RASA3: variants seen among roughly 807,000 people sequenced by gnomAD.
RASA3 encodes RAS p21 protein activator 3, also known as ras GTPase-activating protein 3.
In RASA3, 73 loss-of-function variants were observed where a neutral mutation model predicts 110.0. The ratio of observed to expected loss-of-function variants is 0.66; its 90% CI spans 0.55 to 0.81. RASA3 has a LOEUF of 0.81. Ranked by LOEUF, RASA3 falls within the 30% of genes least tolerant of loss-of-function variation. The pLI is 0.00. For synonymous variants in RASA3, 500 were observed against 451.4 expected, an observed-to-expected ratio of 1.11 and a Z score of -1.37; for missense variants, 976 against 1,113.2, an observed-to-expected ratio of 0.88 and a Z score of 1.75.
At chr13:114,108,610 T>C (rs941637374) in intron 1 of RASA3, 2 of 152,172 alleles carry the variant, frequency 1.3e-5, no homozygotes, top group Non-Finnish European at 2.9e-5. Context: ...GGTGCTGTTT[T>C]CTTGGTGCTA....
intron 1 of RASA3, among the ~76,000 whole-genome samples, chr13:114,092,024 T>C (rs1427145553): frequency 6.6e-6 from 1 of 152,156 alleles, no homozygotes; most frequent in South Asian, 2.1e-4. Context: ...TTATAATGTT[T>C]CTTTTTCCAT....
At chr13:114,131,946 G>A (rs1311414159) in intron 1 of RASA3, among the ~76,000 whole-genome samples, 5 of 152,152 alleles carry the variant, frequency 3.3e-5, no homozygotes, top group Non-Finnish European at 7.4e-5. Flanking sequence ...TCACGCCCCT[G>A]GGGAGAAGCG....
intron 1 of RASA3, among the ~76,000 whole-genome samples, chr13:114,091,645 C>T (rs1291550178): frequency 2.0e-5 from 3 of 151,642 alleles, no homozygotes; most frequent in Non-Finnish European, 4.4e-5. Context: ...TGTCTGTGTT[C>T]ATCAGAGACA....
rs1234462600 is a variant in RASA3, at chr13:114,009,180, G to A, written c.1668+207C>T. ...CCGTTTTGGCCCCAAAGGCAGTCAC[G>A]CCAAAGAGTTTACCAACTGTGGGAG... On this transcript the variant is annotated intron_variant, in intron 17 of 23. Transcript: ENST00000334062. Among the ~76,000 whole-genome samples, 6 of 152,348 alleles carry A rather than the reference G, an allele frequency of 3.9e-5. No homozygotes were observed. The East Asian group carries it at 9.7e-4, about 25-fold the overall frequency.
At chr13:114,063,037 A>C (rs1168033250) in intron 2 of RASA3, among the ~76,000 whole-genome samples, 2 of 152,198 alleles carry the variant, frequency 1.3e-5, no homozygotes, top group African/African-American at 4.8e-5. Flanking sequence ...ACAGGGCGCG[A>C]GTGTCGTTTT....
intron 21 of RASA3, among the ~76,000 whole-genome samples, 162 bp downstream of exon 21, chr13:113,996,369 G>A (rs1411432807): frequency 6.6e-6 from 1 of 152,196 alleles, no homozygotes; most frequent in Non-Finnish European, 1.5e-5. Context: ...CTCCCTCGAG[G>A]GAGGACCCCT....
intron 1 of RASA3, among the ~76,000 whole-genome samples, chr13:114,098,356 T>TC (rs1475293816): frequency 6.6e-6 from 1 of 151,882 alleles, no homozygotes; most frequent in Non-Finnish European, 1.5e-5. Flanking sequence ...GCGCTAAGGA[T>TC]CCCAGGGTCT....
chr13:114,027,948 G>A lies in RASA3; in HGVS notation c.450-21C>T, dbSNP rs759864861. The A allele has an allele frequency of 2.7e-5, 43 of 1,599,154 alleles. 1 individual carries two copies. In the Admixed American group the frequency reaches 5.0e-4, roughly 19 times the overall value. On this transcript the variant is annotated intron_variant, in intron 5 of 23. Coordinates refer to ENST00000334062, the MANE Select transcript of RASA3 (RefSeq NM_007368.4). The stretch of plus-strand genomic sequence containing the variant: ...CGATGCTGAGGAGAGAAGCAGAGGC[G>A]GCGTCAGGAGGGAGCGCAGACACCT...
intron 17 of RASA3, among the ~76,000 whole-genome samples, chr13:114,008,027 C>G (rs71437263): frequency 0.064 from 1,103 of 17,356 alleles, 27 homozygotes; most frequent in East Asian, 0.24. Flanking sequence ...CCTGGATATT[C>G]CCCCCACGCA....
chr13:114,102,175 CAG>C (rs531775411), intron 1 of RASA3, among the ~76,000 whole-genome samples: 2 of 152,146 alleles, frequency 1.3e-5, no homozygotes, highest in Non-Finnish European at 2.9e-5. Context: ...TGCCAGAAAA[CAG>C]AGAGACGGGG....
At chr13:114,100,090 T>C (rs374679925) in intron 1 of RASA3, among the ~76,000 whole-genome samples, 3 of 147,586 alleles carry the variant, frequency 2.0e-5, no homozygotes, top group Non-Finnish European at 4.5e-5. Flanking sequence ...CAGGCCAGGG[T>C]GGAGAGACCA....
intron 11 of RASA3, 114 bp downstream of exon 11, chr13:114,017,990 G>A (rs1031651843): frequency 2.5e-5 from 30 of 1,193,438 alleles, no homozygotes; most frequent in Non-Finnish European, 3.1e-5. Context: ...ATGGTTTCTG[G>A]GGACCCTTGA....
intron 4 of RASA3, among the ~76,000 whole-genome samples, chr13:114,038,374 G>A (rs781227462): frequency 1.3e-5 from 2 of 152,292 alleles, no homozygotes; most frequent in Non-Finnish European, 2.9e-5. Flanking sequence ...CTCCGGGGAT[G>A]CGAGGACAGT....
At position 114,073,803 on chromosome 13, in the gene RASA3, C is replaced by T. The variant is rs562261149; in HGVS notation, c.90G>A (p.Pro30=). The T allele has an allele frequency of 8.1e-6, 13 of 1,614,198 alleles. No individual in the cohort carries two copies. Among genetic ancestry groups the T allele is most frequent in the African/African-American group, 6.7e-5 (5 of 75,056 alleles). ...EAKNLPSYPG[P]SKMRDCYCTV... is the part of the protein sequence containing the mutation. ...TGCAGTAGCAATCCCTCATCTTGCT[C>T]GGCCCCGGGTAAGAGGGAAGGTTTT... The change falls in exon 2 of 24, where the codon CCG becomes CCA. Residue 30 remains proline, a synonymous_variant. Coordinates refer to ENST00000334062, the MANE Select transcript of RASA3 (RefSeq NM_007368.4).
intron 2 of RASA3, among the ~76,000 whole-genome samples, chr13:114,067,550 G>A (rs2139645348): frequency 6.6e-6 from 1 of 152,288 alleles, no homozygotes; most frequent in African/African-American, 2.4e-5. Flanking sequence ...GCCCCTTTCA[G>A]TTTCTAACCC....
chr13:114,013,896 T>TAC, intron 14 of RASA3, among the ~76,000 whole-genome samples: 1 of 28,102 alleles, frequency 3.6e-5, no homozygotes, highest in South Asian at 9.9e-4. Flanking sequence ...CTCTCTCTTT[T>TAC]TCTCTCTTTC....
chr13:114,058,058 C>T (rs2079274515), intron 2 of RASA3, among the ~76,000 whole-genome samples: 1 of 152,202 alleles, frequency 6.6e-6, no homozygotes, highest in Non-Finnish European at 1.5e-5. Flanking sequence ...CCTATTCATT[C>T]ATTTTAGCAC....
rs1343359365 is a variant in RASA3 at position 114,115,380 on chromosome 13, C to T, written c.55+17055G>A. The stretch of plus-strand genomic sequence containing the variant: ...CCGACCCTTGGCCCGGGCGAGGCCA[C>T]GTGTCCCACAAAACATAAGGCTTGG... On this transcript the variant is annotated intron_variant, in intron 1 of 23. Transcript: ENST00000334062. This position sits in a 1 kb window ranked among gnomAD's most constrained non-coding sequence, Gnocchi z 5.0. Among the ~76,000 whole-genome samples the T allele has an allele frequency of 6.6e-6, 1 of 152,220 alleles. No individual in the cohort carries two copies. Among genetic ancestry groups the T allele is most frequent in the Non-Finnish European group, 1.5e-5 (1 of 68,036 alleles).
rs1393127286 is a variant in RASA3, at chr13:114,007,543, G to C, written c.1732C>G (p.Leu578Val). 1.2e-6 allele frequency: 2 copies of C among 1,612,906 alleles called. No homozygotes were observed. The highest frequency in any genetic ancestry group is 1.7e-6 in the Non-Finnish European group (2 of 1,179,356). ...CCTTACCCTCCTTACCCTTCTTTAA[G>C]CACGATGGGCTGCTCAACACTCTTG... ...DPKSVEQPIV[L>V]KEGFMIKRAQ... The change falls in exon 18 of 24, where the codon CTT becomes GTT. Residue 578 changes from leucine to valine, a missense_variant. By Grantham distance (32) the Leu-to-Val change is conservative. This residue lies in a region of RASA3 where 732 missense variants were observed against 779.7 expected (regional missense o/e 0.94). Transcript: ENST00000334062.
Sources: gnomAD v4.1 joint callset for allele counts (sites outside exome capture counted in the v4.1 genomes callset) on GRCh38, gnomAD v4.1.1 for gene constraint, gnomAD v4.1.1 regional missense constraint, Gnocchi (gnomAD v3.1) non-coding constraint, MANE v1.5 for transcripts, NCBI Gene and HGNC (gene_info 2026-07-23, HGNC 2026-07-21) for gene names.